MCU: variants seen among roughly 807,000 people sequenced by gnomAD.
MCU encodes mitochondrial calcium uniporter.
MCU carries 12 observed loss-of-function variants against 45.2 expected under a neutral mutation model. The ratio of observed to expected loss-of-function variants is 0.27; its 90% CI spans 0.17 to 0.43. The LOEUF is 0.43. MCU is among the 20% of genes least tolerant of loss of function. The pLI, the probability that MCU is intolerant of heterozygous loss-of-function variation, is 1.00. For synonymous variants in MCU, 160 were observed against 165.1 expected (o/e 0.97, Z 0.24); for missense variants, 324 against 436.7 (o/e 0.74, Z 2.30).
intron 1 of MCU, among the ~76,000 whole-genome samples, chr10:72,757,344 T>C (rs991245859): frequency 6.6e-6 from 1 of 152,188 alleles, no homozygotes; most frequent in Admixed American, 6.5e-5. Flanking sequence ...CAAACAATAT[T>C]GTTTCAGGGA....
At chr10:72,748,243 T>A (rs1049823894) in intron 1 of MCU, among the ~76,000 whole-genome samples, 1 of 152,220 alleles carries the variant, frequency 6.6e-6, no homozygotes, top group African/African-American at 2.4e-5. Context: ...AGATGCGGTT[T>A]CACCAGGTTG....
chr10:72,865,614 C>T (rs1008625950), intron 4 of MCU, among the ~76,000 whole-genome samples: 2 of 152,182 alleles, frequency 1.3e-5, no homozygotes, highest in Non-Finnish European at 2.9e-5. Context: ...GATCACAGCT[C>T]ATTGCAGCCC....
intron 6 of MCU, among the ~76,000 whole-genome samples, chr10:72,875,546 T>G (rs1845604637): frequency 6.6e-6 from 1 of 152,226 alleles, no homozygotes; most frequent in African/African-American, 2.4e-5. Context: ...TAAATAGTTT[T>G]CATATTAAAT....
chr10:72,805,101 C>CTCGT (rs1554824915), intron 1 of MCU, among the ~76,000 whole-genome samples: 1 of 103,398 alleles, frequency 9.7e-6, no homozygotes, highest in East Asian at 2.9e-4. Context: ...TTCTTTCTTT[C>CTCGT]TCTTTCTTTC....
intron 1 of MCU, among the ~76,000 whole-genome samples, chr10:72,821,546 A>G (rs893118237): frequency 6.6e-6 from 1 of 152,126 alleles, no homozygotes; most frequent in African/African-American, 2.4e-5. Flanking sequence ...TGATCTCCTC[A>G]TCAAAAGGAA....
intron 1 of MCU, among the ~76,000 whole-genome samples, chr10:72,698,768 G>A (rs958746347): frequency 6.6e-6 from 1 of 152,042 alleles, no homozygotes; most frequent in Non-Finnish European, 1.5e-5. Context: ...GCCTCCCAAA[G>A]TGCTGGTATT....
At chr10:72,842,425 C>T (rs1265449263) in intron 2 of MCU, among the ~76,000 whole-genome samples, 1 of 152,212 alleles carries the variant, frequency 6.6e-6, no homozygotes, top group Non-Finnish European at 1.5e-5. Context: ...AACCTAGCAT[C>T]ATTTCTCAAA....
Position 72,834,375 on chromosome 10 carries a change from C to G in MCU, c.167C>G (p.Ala56Gly), listed in dbSNP as rs1467756654. The change falls in exon 2 of 8, where the codon GCT becomes GGT. Residue 56 changes from alanine to glycine, a missense_variant. This residue lies in a region of MCU where 111 missense variants were observed against 112.3 expected (regional missense o/e 0.99). Transcript: ENST00000373053. ...QHHRTVHQRI[A>G]SWQNLGAVYC... ...GTTTTCTAGGTACACCAGAGGATCG[C>G]TTCCTGGCAGAATTTGGGAGCTGTT... The G allele has an allele frequency of 1.2e-6, 2 of 1,613,698 alleles. No individual in the cohort carries two copies. The highest frequency in any genetic ancestry group is 1.7e-6 in the Non-Finnish European group (2 of 1,179,782).
At chr10:72,724,517 C>A (rs1473013509) in intron 1 of MCU, among the ~76,000 whole-genome samples, 1 of 152,182 alleles carries the variant, frequency 6.6e-6, no homozygotes, top group Non-Finnish European at 1.5e-5. Flanking sequence ...CCCCCTCCCC[C>A]ACAAGTTTGT....
chr10:72,854,550 ATAT>A (rs1589497561), intron 2 of MCU, among the ~76,000 whole-genome samples: 1 of 152,198 alleles, frequency 6.6e-6, no homozygotes, highest in Admixed American at 6.5e-5. Context: ...ACCTAAAGTG[ATAT>A]TATATTATTT....
chr10:72,754,245 C>T lies in MCU; in HGVS notation c.150+61944C>T, dbSNP rs564806155. ...GCAGAATTTCAGCCTTATTTTGCTT[C>T]CTTGATGCCTTTGTACTGTGCACAA... On this transcript the variant is annotated intron_variant, in intron 1 of 7. Transcript: ENST00000373053. Among the ~76,000 whole-genome samples, 3 of 152,264 alleles carry T rather than the reference C, an allele frequency of 2.0e-5. No homozygotes were observed. The South Asian group carries it at 6.2e-4, about 32-fold the overall frequency.
chr10:72,801,674 CTTTTTTTT>C (rs767524519), intron 1 of MCU, among the ~76,000 whole-genome samples: 2 of 134,424 alleles, frequency 1.5e-5, no homozygotes, highest in African/African-American at 2.7e-5. Flanking sequence ...CTCTTTTTTT[CTTTTTTTT>C]TTTTTTTAAT....
At chr10:72,879,736 A>AT (rs1270574835) in intron 6 of MCU, among the ~76,000 whole-genome samples, 1 of 152,218 alleles carries the variant, frequency 6.6e-6, no homozygotes, top group Non-Finnish European at 1.5e-5. Context: ...GGAATTTAAA[A>AT]TATAGAGAGA....
intron 4 of MCU, among the ~76,000 whole-genome samples, chr10:72,862,836 A>G (rs118070848): frequency 0.013 from 1,938 of 151,962 alleles, 20 homozygotes; most frequent in Non-Finnish European, 0.02. Flanking sequence ...AGGCAGGAGG[A>G]TTGCTTAAGA....
intron 1 of MCU, among the ~76,000 whole-genome samples, chr10:72,763,536 A>C (rs1266275495): frequency 2.6e-5 from 4 of 152,186 alleles, no homozygotes; most frequent in African/African-American, 9.7e-5. Context: ...ATCACAAATC[A>C]GTAAAAATGT....
intron 1 of MCU, among the ~76,000 whole-genome samples, chr10:72,814,291 C>T (rs1196946596): frequency 6.6e-6 from 1 of 152,198 alleles, no homozygotes; most frequent in African/African-American, 2.4e-5. Flanking sequence ...ACTGATTTGG[C>T]ATGGCTGCTG....
chr10:72,744,172 T>C (rs1056899033), intron 1 of MCU, among the ~76,000 whole-genome samples: 2 of 151,776 alleles, frequency 1.3e-5, no homozygotes, highest in Non-Finnish European at 2.9e-5. Context: ...TATTATGGAA[T>C]AACTATGTAT....
At chr10:72,755,976 T>C (rs918646638) in intron 1 of MCU, among the ~76,000 whole-genome samples, 2 of 152,102 alleles carry the variant, frequency 1.3e-5, no homozygotes, top group African/African-American at 4.8e-5. Flanking sequence ...CCTGAGTAGC[T>C]GGGACTACCG....
intron 1 of MCU, among the ~76,000 whole-genome samples, chr10:72,701,734 T>A (rs1288930627): frequency 1.3e-5 from 2 of 151,848 alleles, no homozygotes; most frequent in African/African-American, 4.8e-5. Flanking sequence ...GGTTTCACCA[T>A]GTTAGCCAGG....
Sources: allele counts gnomAD v4.1 joint callset (sites outside exome capture counted in the v4.1 genomes callset), GRCh38; gene constraint gnomAD v4.1.1; regional missense constraint gnomAD v4.1.1; transcripts MANE v1.5; gene names NCBI Gene and HGNC (gene_info 2026-07-23, HGNC 2026-07-21).